Variants in PYHIN1 observed in about 807,000 individuals in gnomAD.
PYHIN1 encodes the protein pyrin and HIN domain family member 1.
PYHIN1 carries 32 observed loss-of-function variants against 43.7 expected under a neutral mutation model. The ratio of observed to expected loss-of-function variants is 0.73; its 90% CI spans 0.55 to 0.98. The LOEUF (loss-of-function observed/expected upper bound fraction) is 0.98, where lower values mean the gene tolerates loss of function less well. Among genes scored for constraint, PYHIN1 ranks in the 50% least tolerant of loss-of-function variants. The pLI is 0.00. For missense variants in PYHIN1, 588 were observed against 589.5 expected (o/e 1.00, Z 0.03); for synonymous variants, 205 against 203.1 (o/e 1.01, Z -0.08).
the PYHIN1 span, among the ~76,000 whole-genome samples, chr1:158,990,432 T>C: frequency 6.6e-6 from 1 of 152,112 alleles, no homozygotes; most frequent in African/African-American, 2.4e-5. Flanking sequence ...AGGTACAATA[T>C]GATGTTTTGA....
At chr1:158,967,036 A>G (rs1342044581) in intron 7 of PYHIN1, among the ~76,000 whole-genome samples, 1 of 152,148 alleles carries the variant, frequency 6.6e-6, no homozygotes, top group Non-Finnish European at 1.5e-5. Flanking sequence ...AAATCAATAT[A>G]CAAAAATCAG....
the PYHIN1 span, among the ~76,000 whole-genome samples, chr1:158,983,696 T>C: frequency 2.0e-5 from 3 of 152,172 alleles, no homozygotes; most frequent in Admixed American, 2.0e-4. Flanking sequence ...TATTTTGGAA[T>C]AATTTTGGTA....
intron 7 of PYHIN1, among the ~76,000 whole-genome samples, chr1:158,946,752 G>A (rs1461013238): frequency 6.6e-6 from 1 of 152,124 alleles, no homozygotes; most frequent in Non-Finnish European, 1.5e-5. Context: ...AGGAGATTTA[G>A]GGAATTTACA....
intron 7 of PYHIN1, among the ~76,000 whole-genome samples, chr1:158,955,536 G>A (rs953748243): frequency 6.6e-6 from 1 of 151,630 alleles, no homozygotes; most frequent in Non-Finnish European, 1.5e-5. Context: ...CAGAAATAAA[G>A]ATGTTCTTTG....
intron 7 of PYHIN1, among the ~76,000 whole-genome samples, chr1:158,951,066 T>G (rs112562614): frequency 0.012 from 1,843 of 152,296 alleles, 39 homozygotes; most frequent in African/African-American, 0.04. Context: ...CTGATTAGGT[T>G]CTAGTCCTCT....
chr1:158,952,712 G>C (rs750195333), intron 7 of PYHIN1, among the ~76,000 whole-genome samples: 1 of 152,166 alleles, frequency 6.6e-6, no homozygotes. Flanking sequence ...CATTGCCCTT[G>C]AGCATAATGT....
intron 7 of PYHIN1, among the ~76,000 whole-genome samples, chr1:158,957,813 C>T (rs1650042407): frequency 6.8e-6 from 1 of 147,340 alleles, no homozygotes; most frequent in Non-Finnish European, 1.5e-5. Context: ...TCAGAGTGAA[C>T]AGGCAACCTA....
chr1:158,984,869 T>G, the PYHIN1 span, among the ~76,000 whole-genome samples: 1 of 152,178 alleles, frequency 6.6e-6, no homozygotes, highest in South Asian at 2.1e-4. Flanking sequence ...TAGTTAAGTC[T>G]TGTTTGTAGA....
Position 158,939,242 on chromosome 1 carries a change from A to T in PYHIN1, c.574A>T (p.Thr192Ser), listed in dbSNP as rs1247750444. The T allele has an allele frequency of 1.3e-6, 2 of 1,594,930 alleles. No individual in the cohort carries two copies. Among genetic ancestry groups the T allele is most frequent in the Middle Eastern group, 1.7e-4 (1 of 5,942 alleles). Reference protein sequence around the residue: ...SSSAPPNTSSTESLKPLANRH... With the variant: ...SSSAPPNTSSSESLKPLANRH... ...ATCAGCTCCACCCAACACTTCCTCAACTGAGGTACACTCTTCCTGGTCCCC... is the reference window on the plus strand; with the variant it reads ...ATCAGCTCCACCCAACACTTCCTCATCTGAGGTACACTCTTCCTGGTCCCC... The change falls in exon 4 of 9, where the codon ACT becomes TCT. Residue 192 changes from threonine (T) to serine (S), a missense_variant. By Grantham distance (58) the Thr-to-Ser change is moderately conservative. Transcript: ENST00000368140.
rs532770196 is a variant in PYHIN1, at chr1:158,972,887, T to C, written c.1360-760T>C. ...AGTAATTATAGTATATTTTCAACCCTGTAAGTAATTGAGATTATATATGCT... is the reference window on the plus strand; with the variant it reads ...AGTAATTATAGTATATTTTCAACCCCGTAAGTAATTGAGATTATATATGCT... On this transcript the variant is annotated intron_variant, in intron 7 of 8. Coordinates refer to ENST00000368140, the MANE Select transcript of PYHIN1 (RefSeq NM_152501.5). Among the ~76,000 whole-genome samples the C allele has an allele frequency of 2.6e-5, 4 of 152,196 alleles. No individual in the cohort carries two copies. The East Asian group carries it at 7.7e-4, about 29-fold the overall frequency.
intron 3 of PYHIN1, among the ~76,000 whole-genome samples, 195 bp downstream of exon 3, chr1:158,938,737 T>C (rs1327943879): frequency 6.6e-6 from 1 of 152,220 alleles, no homozygotes; most frequent in Non-Finnish European, 1.5e-5. Flanking sequence ...ATAATGTAAA[T>C]ATACATAAAA....
chr1:158,973,602 C>A (rs1651070679), intron 7 of PYHIN1, 45 bp from the exon 8 acceptor site: 1 of 1,606,026 alleles, frequency 6.2e-7, no homozygotes, highest in Non-Finnish European at 8.5e-7. Flanking sequence ...CCAGTTCTTT[C>A]TGTCATAAAG....
chr1:158,980,752 T>C (rs1651457268), downstream of PYHIN1, among the ~76,000 whole-genome samples: 2 of 152,146 alleles, frequency 1.3e-5, no homozygotes, highest in Admixed American at 1.3e-4. Flanking sequence ...TAGACGCTTA[T>C]CAGTGGTTCT....
In PYHIN1 at chr1:158,939,195, C is replaced by T; in HGVS notation, c.527C>T (p.Ser176Phe). The T allele has an allele frequency of 1.2e-6, 2 of 1,613,392 alleles. No homozygotes were observed. The highest frequency in any genetic ancestry group is 1.7e-6 in the Non-Finnish European group (2 of 1,179,818). Residue 176 changes from serine (S) to phenylalanine (F), a missense_variant, in exon 4 of 9, where the codon TCC becomes TTC. Coordinates refer to ENST00000368140, the MANE Select transcript of PYHIN1 (RefSeq NM_152501.5). Reference sequence around the variant, plus strand: ...AGCACGTCCACAGCCATGGGCCGTTCCCCACCTCCCCAGACCTCATCATCA... The same window carrying T: ...AGCACGTCCACAGCCATGGGCCGTTTCCCACCTCCCCAGACCTCATCATCA... ...GASTSTAMGR[S>F]PPPQTSSSAP...
At chr1:158,989,978 C>T in the PYHIN1 span, among the ~76,000 whole-genome samples, 1 of 151,166 alleles carries the variant, frequency 6.6e-6, no homozygotes, top group South Asian at 2.1e-4. Context: ...TAAAGATTCT[C>T]TGGTAGCTAT....
At position 158,941,959 on chromosome 1, in the gene PYHIN1, C is replaced by A; in HGVS notation, c.580-18C>A. On this transcript the variant is annotated intron_variant, in intron 4 of 8. Transcript: ENST00000368140. ...ACTCAAAAATTTCTTTTTTGTATTC[C>A]TTTTGTATCATGCGCAGAGCCTAAA... is the stretch of plus-strand genomic sequence containing the variant. 1 of 1,558,626 alleles carries A rather than the reference C, an allele frequency of 6.4e-7. No individual in the cohort carries two copies. Among genetic ancestry groups the A allele is most frequent in the South Asian group, 1.2e-5 (1 of 80,222 alleles).
At chr1:158,954,485 C>T (rs1649791848) in intron 7 of PYHIN1, among the ~76,000 whole-genome samples, 1 of 148,658 alleles carries the variant, frequency 6.7e-6, no homozygotes, top group African/African-American at 2.5e-5. Flanking sequence ...CCCAGAATTT[C>T]ATATCCAGCC....
At chr1:158,973,473 T>C (rs1472571647) in intron 7 of PYHIN1, among the ~76,000 whole-genome samples, 174 bp from the exon 8 acceptor site, 3 of 149,924 alleles carry the variant, frequency 2.0e-5, no homozygotes, top group African/African-American at 7.4e-5. Flanking sequence ...CCAGAGAGAT[T>C]AGCAGAGGGA....
chr1:158,943,271 T>C (rs139113064), intron 5 of PYHIN1, among the ~76,000 whole-genome samples: 83 of 152,212 alleles, frequency 5.5e-4, no homozygotes, highest in African/African-American at 1.9e-3. Flanking sequence ...GAGCAAGAAA[T>C]TGGAATGTTT....
Sources: allele counts gnomAD v4.1 joint callset (sites outside exome capture counted in the v4.1 genomes callset), GRCh38; gene constraint gnomAD v4.1.1; transcripts MANE v1.5; gene names NCBI Gene and HGNC (gene_info 2026-07-23, HGNC 2026-07-21).